The following SAMD5 variants were observed in gnomAD, a reference collection of about 807,000 sequenced individuals.
SAMD5 encodes sterile alpha motif domain-containing protein 5.
Under a neutral mutation model 11.3 loss-of-function variants are expected in SAMD5, and 13 were observed. That is an observed-to-expected ratio of 1.15 (90% CI 0.75 to 1.83). The LOEUF is 1.83. Among genes scored for constraint, SAMD5 ranks in the 40% most tolerant of loss-of-function variants. The probability of loss-of-function intolerance (pLI) is 0.00; values close to 1 mark genes in which losing one functional copy is unlikely to be tolerated. For synonymous variants in SAMD5, 129 were observed against 111.3 expected (o/e 1.16, Z -1.00); for missense variants, 255 against 239.1 (o/e 1.07, Z -0.44).
intron 1 of SAMD5, among the ~76,000 whole-genome samples, chr6:147,677,137 G>A (rs115908244): frequency 0.013 from 1,972 of 152,216 alleles, 30 homozygotes; most frequent in African/African-American, 0.046. Context: ...TGAGGAATGC[G>A]GTGTGCTGCG....
intron 1 of SAMD5, among the ~76,000 whole-genome samples, chr6:147,608,005 A>G (rs1420886694): frequency 2.0e-5 from 3 of 152,354 alleles, no homozygotes; most frequent in Non-Finnish European, 4.4e-5. Flanking sequence ...TCAAAAGAAG[A>G]CATACAGATG....
chr6:147,654,353 T>G (rs1021461258), intron 1 of SAMD5, among the ~76,000 whole-genome samples: 1 of 152,128 alleles, frequency 6.6e-6, no homozygotes, highest in African/African-American at 2.4e-5. Context: ...TATAAAAGTA[T>G]GAATTTCTCC....
At chr6:147,702,124 G>C (rs1483058251) in intron 1 of SAMD5, among the ~76,000 whole-genome samples, 1 of 152,236 alleles carries the variant, frequency 6.6e-6, no homozygotes, top group Non-Finnish European at 1.5e-5. Flanking sequence ...GAAGAGCAAA[G>C]GGACATCTTA....
At chr6:147,675,370 C>T (rs1000188545) in intron 1 of SAMD5, among the ~76,000 whole-genome samples, 5 of 152,116 alleles carry the variant, frequency 3.3e-5, no homozygotes, top group African/African-American at 1.2e-4. Context: ...AACGTGTTCC[C>T]TCTGCTTTCC....
At chr6:147,537,622 C>T (rs1788530911) in intron 1 of SAMD5, among the ~76,000 whole-genome samples, 1 of 151,878 alleles carries the variant, frequency 6.6e-6, no homozygotes, top group South Asian at 2.1e-4. Flanking sequence ...GGCGTGGTGG[C>T]GGGCACCTGT....
the SAMD5 span, among the ~76,000 whole-genome samples, chr6:147,819,674 T>C: frequency 6.6e-6 from 1 of 152,132 alleles, no homozygotes; most frequent in African/African-American, 2.4e-5. Context: ...TTTCCCCACA[T>C]GGGGACTGGA....
chr6:147,732,621 A>G (rs2128460122), intron 1 of SAMD5, among the ~76,000 whole-genome samples: 1 of 152,250 alleles, frequency 6.6e-6, no homozygotes, highest in Admixed American at 6.5e-5. Context: ...ATATGATGTT[A>G]TTTGGCTGAG....
intron 1 of SAMD5, among the ~76,000 whole-genome samples, chr6:147,726,365 G>A (rs545698941): frequency 8.5e-5 from 13 of 152,292 alleles, no homozygotes; most frequent in Admixed American, 2.6e-4. Flanking sequence ...TGCAATTTAC[G>A]TATATTATTT....
At chr6:147,841,316 A>C in the SAMD5 span, among the ~76,000 whole-genome samples, 1 of 152,230 alleles carries the variant, frequency 6.6e-6, no homozygotes, top group African/African-American at 2.4e-5. Context: ...CTCACCTTCA[A>C]TAAACTGGGA....
chr6:147,526,518 G>C (rs1788343888), intron 1 of SAMD5, among the ~76,000 whole-genome samples: 1 of 152,194 alleles, frequency 6.6e-6, no homozygotes, highest in Non-Finnish European at 1.5e-5. Context: ...GCACCAAGGA[G>C]AGAACTATTC....
intron 1 of SAMD5, among the ~76,000 whole-genome samples, chr6:147,647,351 T>A (rs1185654455): frequency 6.6e-6 from 1 of 151,816 alleles, no homozygotes; most frequent in African/African-American, 2.4e-5. Context: ...CAAGATGAGG[T>A]TAAGTTTTCT....
chr6:147,853,626 G>T, the SAMD5 span, among the ~76,000 whole-genome samples: 7 of 89,994 alleles, frequency 7.8e-5, no homozygotes, highest in African/African-American at 2.2e-4. Flanking sequence ...AAAAGCATGA[G>T]AATTTTTTTT....
intron 1 of SAMD5, among the ~76,000 whole-genome samples, chr6:147,587,531 C>T (rs1351772930): frequency 6.6e-6 from 1 of 152,118 alleles, no homozygotes; most frequent in African/African-American, 2.4e-5. Flanking sequence ...GCCACTGCTC[C>T]CGGCCCTTTT....
intron 1 of SAMD5, among the ~76,000 whole-genome samples, chr6:147,592,967 T>C (rs1217078209): frequency 1.3e-5 from 2 of 152,136 alleles, no homozygotes; most frequent in East Asian, 3.8e-4. Context: ...CAGGATCATG[T>C]AGTCTAGGTG....
intron 1 of SAMD5, among the ~76,000 whole-genome samples, chr6:147,511,948 A>G (rs1392692547): frequency 3.3e-5 from 5 of 152,048 alleles, no homozygotes; most frequent in Admixed American, 6.6e-5. Flanking sequence ...TGATCAGAAT[A>G]TATAGTATTT....
At chr6:147,629,106 C>A (rs1462616150) in intron 1 of SAMD5, among the ~76,000 whole-genome samples, 1 of 151,982 alleles carries the variant, frequency 6.6e-6, no homozygotes, top group Admixed American at 6.6e-5. Flanking sequence ...GCATGGCCAA[C>A]ATGATGAAAC....
chr6:147,635,749 A>T (rs556706593), intron 1 of SAMD5, among the ~76,000 whole-genome samples: 5 of 152,306 alleles, frequency 3.3e-5, no homozygotes, highest in Non-Finnish European at 7.3e-5. Flanking sequence ...TGAGAAGAGG[A>T]TGCCCAAATA....
At chr6:147,738,742 T>A (rs370523639), downstream of SAMD5, among the ~76,000 whole-genome samples, 7 of 152,212 alleles carry the variant, frequency 4.6e-5, no homozygotes, top group African/African-American at 1.4e-4. Flanking sequence ...TAAACTGAGC[T>A]CAGAGACCTG....
chr6:147,635,714 A>T (rs752507080), intron 1 of SAMD5, among the ~76,000 whole-genome samples: 1 of 152,236 alleles, frequency 6.6e-6, no homozygotes, highest in Non-Finnish European at 1.5e-5. Context: ...AACCTTTGGC[A>T]TGCCTTTCAT....
Sources: allele counts gnomAD v4.1 joint callset (sites outside exome capture counted in the v4.1 genomes callset), GRCh38; gene constraint gnomAD v4.1.1; transcripts MANE v1.5; gene names NCBI Gene and HGNC (gene_info 2026-07-23, HGNC 2026-07-21).